OR4M1: variants seen among roughly 807,000 people sequenced by gnomAD.
OR4M1 encodes the protein olfactory receptor family 4 subfamily M member 1, also known as olfactory receptor 4M1.
OR4M1 carries 7 observed loss-of-function variants against 9.8 expected under a neutral mutation model. That is an observed-to-expected ratio of 0.71 (90% CI 0.41 to 1.34). The LOEUF (loss-of-function observed/expected upper bound fraction) is 1.34, where lower values mean the gene tolerates loss of function less well. OR4M1 is among the 40% of genes most tolerant of loss of function. OR4M1 has a pLI of 0.01. For synonymous variants in OR4M1, 121 were observed against 139.8 expected, an observed-to-expected ratio of 0.87 and a Z score of 0.95; for missense variants, 331 against 380.4, an observed-to-expected ratio of 0.87 and a Z score of 1.08.
Position 19,781,557 on chromosome 14 carries a change from GA to G in OR4M1, c.*294del. ...TTGTTTATTGAGTAACTACTCTGCA[GA>G]GGCTCTGGCTTTGAGGGGAACATGT... On this transcript the variant is annotated 3_prime_UTR_variant, in exon 2 of 2. Transcript: ENST00000641200. 2.9e-6 allele frequency: 1 copy of G among 348,428 alleles called. No individual in the cohort carries two copies. The highest frequency in any genetic ancestry group is 5.2e-6 in the Non-Finnish European group (1 of 192,456). The allele number at this position is 348,428 out of a possible 1,614,324, so 21.6% of individuals were successfully genotyped here.
At chr14:19,778,467 G>T (rs1212028276) in intron 1 of OR4M1, among the ~76,000 whole-genome samples, 4 of 152,194 alleles carry the variant, frequency 2.6e-5, no homozygotes, top group African/African-American at 9.7e-5. Context: ...CAATAATAAA[G>T]GGACAATTAT....
chr14:19,779,000 T>C (rs1164017817), intron 1 of OR4M1, among the ~76,000 whole-genome samples: 2 of 152,212 alleles, frequency 1.3e-5, no homozygotes, highest in Non-Finnish European at 2.9e-5. Context: ...TGCTACCAGA[T>C]TCCTGGAAAA....
rs766785644 is a variant in OR4M1, at chr14:19,780,755, G to T, written c.433G>T (p.Val145Leu). The change falls in exon 2 of 2, where the codon GTG becomes TTG. Residue 145 changes from valine to leucine, a missense_variant. By Grantham distance (32) the Val-to-Leu change is conservative. Coordinates refer to ENST00000641200, the MANE Select transcript of OR4M1 (RefSeq NM_001005500.2). ...GAATCGACGTCTCTGCTGTATCCTG[G>T]TGGCTCTCTCCTGGATGGGGGGCTT... ...IMNRRLCCIL[V>L]ALSWMGGFIH... The T allele has an allele frequency of 9.3e-6, 15 of 1,614,090 alleles. No homozygotes were observed. Among genetic ancestry groups the T allele is most frequent in the Non-Finnish European group, 1.3e-5 (15 of 1,180,052 alleles).
chr14:19,779,894 T>C (rs949674539), intron 1 of OR4M1, among the ~76,000 whole-genome samples: 1 of 152,224 alleles, frequency 6.6e-6, no homozygotes, highest in African/African-American at 2.4e-5. Context: ...GGCATGATTT[T>C]GCAACAAAAA....
chr14:19,773,956 G>A (rs1315178676), intron 1 of OR4M1, among the ~76,000 whole-genome samples: 3 of 152,242 alleles, frequency 2.0e-5, no homozygotes, highest in Non-Finnish European at 4.4e-5. Context: ...ATGACAGATT[G>A]TTAAAATAAA....
chr14:19,775,935 T>C (rs1341361795), intron 1 of OR4M1, among the ~76,000 whole-genome samples: 1 of 151,960 alleles, frequency 6.6e-6, no homozygotes, highest in Non-Finnish European at 1.5e-5. Context: ...TGGGCAACGA[T>C]GCACACAGAA....
intron 1 of OR4M1, among the ~76,000 whole-genome samples, chr14:19,775,389 C>G (rs1446486880): frequency 1.3e-5 from 2 of 151,978 alleles, no homozygotes; most frequent in Non-Finnish European, 2.9e-5. Context: ...GCTATATTTC[C>G]CAGCCTGTCA....
intron 1 of OR4M1, among the ~76,000 whole-genome samples, chr14:19,777,049 T>TA (rs58150334): frequency 0.2 from 21,767 of 111,378 alleles, 1,709 homozygotes; most frequent in East Asian, 0.31. Context: ...TATATATATA[T>TA]TGTTTGTTTG....
Position 19,780,308 on chromosome 14 carries a change from G to A in OR4M1, c.-15G>A, listed in dbSNP as rs772305429. The A allele has an allele frequency of 1.9e-6, 3 of 1,592,382 alleles. No homozygotes were observed. The highest frequency in any genetic ancestry group is 2.3e-5 in the South Asian group (2 of 87,414). The stretch of plus-strand genomic sequence containing the variant: ...AATTTTCATAGTTATATTATGAAAA[G>A]AGTAAATTGAAGAAATGGAAACTGC... On this transcript the variant is annotated 5_prime_UTR_variant, in exon 2 of 2. Coordinates refer to ENST00000641200, the MANE Select transcript of OR4M1 (RefSeq NM_001005500.2).
chr14:19,777,539 C>G (rs1367885706), intron 1 of OR4M1, among the ~76,000 whole-genome samples: 1 of 151,956 alleles, frequency 6.6e-6, no homozygotes, highest in Admixed American at 6.6e-5. Context: ...TGCTTGTTTA[C>G]TTATTTATTG....
Position 19,781,222 on chromosome 14 carries a change from G to A in OR4M1, c.900G>A (p.Met300Ile). 6.2e-7 allele frequency: 1 copy of A among 1,613,322 alleles called. No individual in the cohort carries two copies. Among genetic ancestry groups the A allele is most frequent in the South Asian group, 1.1e-5 (1 of 91,010 alleles). The change falls in exon 2 of 2, where the codon ATG becomes ATA. Residue 300 changes from methionine to isoleucine, a missense_variant. This residue lies in a region of OR4M1 where 122 missense variants were observed against 180.5 expected (regional missense o/e 0.68). Transcript: ENST00000641200. ...GAAACAAGGAAGTAAAGGCAGCCATGAGGAAGGTGGTCACCAAATATATTT... is the reference window on the plus strand; with the variant it reads ...GAAACAAGGAAGTAAAGGCAGCCATAAGGAAGGTGGTCACCAAATATATTT... ...TLRNKEVKAA[M>I]RKVVTKYILC...
In OR4M1 at chr14:19,782,687, C is replaced by A. The variant is rs1403247960; in HGVS notation, c.*1423C>A. The A allele has an allele frequency of 5.9e-5, 9 of 152,190 alleles. No homozygotes were observed. The highest frequency in any genetic ancestry group is 1.3e-4 in the Non-Finnish European group (9 of 68,056). 9.4% of individuals were successfully genotyped at this position (152,190 alleles called of 1,614,324 possible). A position where few individuals can be genotyped will look rare whatever the true frequency, so the allele number is the denominator to read the frequency against. On this transcript the variant is annotated 3_prime_UTR_variant, in exon 2 of 2. Coordinates refer to ENST00000641200, the MANE Select transcript of OR4M1 (RefSeq NM_001005500.2). ...CTTTGGGAATTTTTCCTTATGGTGA[C>A]CTTCTTCGATCTTCAATGCTACGTT...
chr14:19,774,671 A>G (rs1388310147), intron 1 of OR4M1, among the ~76,000 whole-genome samples: 3 of 152,246 alleles, frequency 2.0e-5, no homozygotes, highest in African/African-American at 7.2e-5. Context: ...AGCTTCTGAG[A>G]ATAGATGAAG....
At chr14:19,774,134 C>G (rs769716420) in intron 1 of OR4M1, among the ~76,000 whole-genome samples, 4 of 152,114 alleles carry the variant, frequency 2.6e-5, no homozygotes, top group East Asian at 3.8e-4. Context: ...GTAGTAAAAG[C>G]TTTGAAAATA....
In OR4M1 at chr14:19,780,781, C is replaced by A. The variant is rs565332324; in HGVS notation, c.459C>A (p.Phe153Leu). The change falls in exon 2 of 2, where the codon TTC becomes TTA. Residue 153 changes from phenylalanine (F) to leucine (L), a missense_variant. Around this residue, in one of 2 missense-constraint regions of OR4M1, gnomAD observed 209 missense variants for 200.0 expected, o/e 1.04. Transcript: ENST00000641200. ...ILVALSWMGGFIHSIIQVALI... is the reference protein window; with the variant it reads ...ILVALSWMGGLIHSIIQVALI... Reference sequence around the variant, plus strand: ...TGGCTCTCTCCTGGATGGGGGGCTTCATTCATTCTATAATACAGGTGGCTC... The same window carrying A: ...TGGCTCTCTCCTGGATGGGGGGCTTAATTCATTCTATAATACAGGTGGCTC... 6.2e-7 allele frequency: 1 copy of A among 1,614,198 alleles called. No individual in the cohort carries two copies. The highest frequency in any genetic ancestry group is 1.1e-5 in the South Asian group (1 of 91,090).
chr14:19,777,145 C>T (rs1376525063), intron 1 of OR4M1, among the ~76,000 whole-genome samples: 18 of 150,568 alleles, frequency 1.2e-4, no homozygotes, highest in South Asian at 1.0e-3. Context: ...TTAAGCTATT[C>T]TGTCGAGTTT....
Position 19,781,408 on chromosome 14 carries a change from T to C in OR4M1, c.*144T>C. On this transcript the variant is annotated 3_prime_UTR_variant, in exon 2 of 2. Coordinates refer to ENST00000641200, the MANE Select transcript of OR4M1 (RefSeq NM_001005500.2). ...TAATTTTTCTCTATTAATTCCTCTT[T>C]ATATTGAAAAAATAGAGGCATTAAG... The C allele has an allele frequency of 1.2e-6, 1 of 805,812 alleles. No individual in the cohort carries two copies. Among genetic ancestry groups the C allele is most frequent in the Non-Finnish European group, 1.9e-6 (1 of 529,584 alleles). 49.9% of individuals were successfully genotyped at this position (805,812 alleles called of 1,614,324 possible). A position where few individuals can be genotyped will look rare whatever the true frequency, so the allele number is the denominator to read the frequency against.
At position 19,780,933 on chromosome 14, in the gene OR4M1, G is replaced by A. The variant is rs140877715; in HGVS notation, c.611G>A (p.Gly204Asp). Residue 204 changes from glycine to aspartate, a missense_variant, in exon 2 of 2, where the codon GGT becomes GAT. This residue lies in a region of OR4M1 where 122 missense variants were observed against 180.5 expected (regional missense o/e 0.68). Coordinates refer to ENST00000641200, the MANE Select transcript of OR4M1 (RefSeq NM_001005500.2). Reference protein sequence around the residue: ...PEELVMICSSGLISVVCFIAL... With the variant: ...PEELVMICSSDLISVVCFIAL... ...GAGTTAGTGATGATCTGTAGTAGTG[G>A]TCTGATCTCTGTGGTGTGTTTCATT... The A allele has an allele frequency of 1.9e-4, 311 of 1,614,190 alleles. No homozygotes were observed. In the African/African-American group the frequency reaches 3.4e-3, roughly 18 times the overall value.
rs1491268209 is a variant in OR4M1 at position 19,777,048 on chromosome 14, ATT to A, written c.-29-3245_-29-3244del. On this transcript the variant is annotated intron_variant, in intron 1 of 1. Transcript: ENST00000641200. Reference sequence around the variant, plus strand: ...TATATATATATATATATATATATATATTGTTTGTTTGTTTTTCCTGTAATGTT... The same window carrying A: ...TATATATATATATATATATATATATAGTTTGTTTGTTTTTCCTGTAATGTT... Among the ~76,000 whole-genome samples the A allele has an allele frequency of 5.9e-3, 699 of 117,990 alleles. 16 individuals carry two copies. The highest frequency in any genetic ancestry group is 0.016 in the African/African-American group (481 of 30,188). The allele number at this position is 117,990 out of a possible 152,430, so 77.4% of individuals were successfully genotyped here.
Sources: gnomAD v4.1 joint callset for allele counts (sites outside exome capture counted in the v4.1 genomes callset) on GRCh38, gnomAD v4.1.1 for gene constraint, gnomAD v4.1.1 regional missense constraint, MANE v1.5 for transcripts, NCBI Gene and HGNC (gene_info 2026-07-23, HGNC 2026-07-21) for gene names.